TMEM47: variants seen among roughly 807,000 people sequenced by gnomAD.
TMEM47 encodes transmembrane protein 47.
In TMEM47, 3 loss-of-function variants were observed where a neutral mutation model predicts 12.4. The observed-to-expected ratio is 0.24, with a 90% CI of 0.11 to 0.63. TMEM47 has a LOEUF of 0.63. TMEM47 is among the 20% of genes least tolerant of loss of function. The probability of loss-of-function intolerance (pLI) is 0.86; values close to 1 mark genes in which losing one functional copy is unlikely to be tolerated. For synonymous variants in TMEM47, 62 were observed against 63.3 expected (o/e 0.98, Z 0.10); for missense variants, 89 against 143.8 (o/e 0.62, Z 1.95).
At position 34,627,275 on chromosome X, in the gene TMEM47, TAA is replaced by T. The variant is rs1262974201; in HGVS notation, c.*3036_*3037del. 1 of 111,919 alleles carries T rather than the reference TAA, an allele frequency of 8.9e-6. No homozygotes were observed. Among genetic ancestry groups the T allele is most frequent in the African/African-American group, 3.3e-5 (1 of 30,744 alleles). The allele number at this position is 111,919 out of a possible 1,213,427, so 9.2% of individuals were successfully genotyped here. ...TTAAGTAGTAAACATGTCATATATT[TAA>T]AAATAATAAATATAGAATAGCAGTA... On this transcript the variant is annotated 3_prime_UTR_variant, in exon 3 of 3. Transcript: ENST00000275954.
At chrX:34,654,397 G>T (rs760428532) in intron 1 of TMEM47, among the ~76,000 whole-genome samples, 1 of 111,890 alleles carries the variant, frequency 8.9e-6, no homozygotes, top group Admixed American at 9.5e-5. Context: ...GAAAGACAAA[G>T]ATGTGGATCT....
intron 1 of TMEM47, among the ~76,000 whole-genome samples, chrX:34,644,568 T>G (rs181946979): frequency 1.6e-3 from 185 of 112,338 alleles, no homozygotes; most frequent in Non-Finnish European, 2.6e-3. Context: ...TAGAAACCTT[T>G]CACTTGTCAA....
chrX:34,639,664 C>T (rs962290213), intron 1 of TMEM47, among the ~76,000 whole-genome samples: 1 of 111,498 alleles, frequency 9.0e-6, no homozygotes, highest in Non-Finnish European at 1.9e-5. Context: ...TCAAGTGTCC[C>T]CTCCATGACC....
chrX:34,643,604 AAG>A (rs1921856999), intron 1 of TMEM47, among the ~76,000 whole-genome samples: 1 of 112,150 alleles, frequency 8.9e-6, no homozygotes, highest in African/African-American at 3.2e-5. Context: ...CAGATGAGTT[AAG>A]AGTCTGTAAA....
chrX:34,655,443 C>G (rs1922087911), intron 1 of TMEM47, among the ~76,000 whole-genome samples: 1 of 111,792 alleles, frequency 8.9e-6, no homozygotes, highest in Non-Finnish European at 1.9e-5. Flanking sequence ...TGACCTCCTG[C>G]TGCCAACCAG....
chrX:34,646,847 C>T (rs760629154), intron 1 of TMEM47, among the ~76,000 whole-genome samples: 1 of 111,512 alleles, frequency 9.0e-6, no homozygotes, highest in South Asian at 3.8e-4. Flanking sequence ...CTAGTACTCC[C>T]ACCAGCTCCT....
At chrX:34,641,525 T>A (rs2147139510) in intron 1 of TMEM47, among the ~76,000 whole-genome samples, 1 of 112,294 alleles carries the variant, frequency 8.9e-6, no homozygotes, top group South Asian at 3.7e-4. Flanking sequence ...TAGATTGTTT[T>A]TTCCTGATTA....
At chrX:34,641,202 A>C (rs1921811822) in intron 1 of TMEM47, among the ~76,000 whole-genome samples, 1 of 111,584 alleles carries the variant, frequency 9.0e-6, no homozygotes, top group East Asian at 2.8e-4. Flanking sequence ...AAATCCTTCT[A>C]AAAACAGGTG....
chrX:34,655,592 G>C (rs771431369), intron 1 of TMEM47, among the ~76,000 whole-genome samples: 2 of 111,757 alleles, frequency 1.8e-5, no homozygotes, highest in Admixed American at 1.9e-4. Flanking sequence ...TGTTATAACA[G>C]GAAACCAAAG....
At chrX:34,656,545 C>G (rs1922110699) in intron 1 of TMEM47, among the ~76,000 whole-genome samples, 1 of 110,782 alleles carries the variant, frequency 9.0e-6, no homozygotes, top group East Asian at 2.9e-4. Context: ...ACGTGTTACT[C>G]CAGAACAGGA....
intron 1 of TMEM47, among the ~76,000 whole-genome samples, chrX:34,640,200 T>G (rs2147139118): frequency 9.0e-6 from 1 of 111,626 alleles, no homozygotes; most frequent in South Asian, 3.8e-4. Context: ...TTTCTAAAAT[T>G]AAGTATTCCC....
intron 2 of TMEM47, among the ~76,000 whole-genome samples, chrX:34,632,973 C>T: frequency 9.0e-6 from 1 of 110,569 alleles, no homozygotes; most frequent in Non-Finnish European, 1.9e-5. Context: ...AAAGGCACTT[C>T]TCCTTAGGTT....
intron 1 of TMEM47, among the ~76,000 whole-genome samples, chrX:34,640,876 T>C (rs778892099): frequency 7.2e-5 from 8 of 111,558 alleles, no homozygotes; most frequent in Non-Finnish European, 1.3e-4. Flanking sequence ...TGCACTGCAA[T>C]CAAGAAACAA....
intron 2 of TMEM47, among the ~76,000 whole-genome samples, chrX:34,633,284 G>T (rs978797695): frequency 8.9e-6 from 1 of 111,857 alleles, no homozygotes; most frequent in African/African-American, 3.2e-5. Context: ...TGCTCTTTTA[G>T]ATCAATCGTG....
chrX:34,649,616 C>T (rs1921978842), intron 1 of TMEM47, among the ~76,000 whole-genome samples: 1 of 110,857 alleles, frequency 9.0e-6, no homozygotes, highest in Admixed American at 9.6e-5. Flanking sequence ...GGCTTAATAC[C>T]TGTGTGATGA....
intron 1 of TMEM47, among the ~76,000 whole-genome samples, chrX:34,646,094 C>T (rs916393234): frequency 1.8e-5 from 2 of 111,242 alleles, no homozygotes; most frequent in African/African-American, 6.5e-5. Flanking sequence ...GTTAATTTTG[C>T]CAAATTTTGG....
chrX:34,652,709 A>G (rs1283675606), intron 1 of TMEM47, among the ~76,000 whole-genome samples: 6 of 112,276 alleles, frequency 5.3e-5, no homozygotes, highest in African/African-American at 9.7e-5. Context: ...ATCTTGAAAT[A>G]AGTTATACTT....
intron 1 of TMEM47, among the ~76,000 whole-genome samples, chrX:34,652,283 A>G (rs1256160431): frequency 8.9e-6 from 1 of 111,828 alleles, no homozygotes; most frequent in Non-Finnish European, 1.9e-5. Flanking sequence ...CTGCTGTGGT[A>G]TTTAGGTTAG....
rs1037779566 is a variant in TMEM47, at chrX:34,645,149, T to G, written c.227-5762A>C. ...TAAATTACATTGTTGAGAACATAGT[T>G]AAGTTAGTATTGCCAATCCCATTCT... On this transcript the variant is annotated intron_variant, in intron 1 of 2. Transcript: ENST00000275954. Among the ~76,000 whole-genome samples, 4 of 111,753 alleles carry G rather than the reference T, an allele frequency of 3.6e-5. 1 individual carries two copies. Among genetic ancestry groups the G allele is most frequent in the Non-Finnish European group, 7.5e-5 (4 of 53,085 alleles).
Sources: allele counts gnomAD v4.1 joint callset (sites outside exome capture counted in the v4.1 genomes callset), GRCh38; gene constraint gnomAD v4.1.1; transcripts MANE v1.5; gene names NCBI Gene and HGNC (gene_info 2026-07-23, HGNC 2026-07-21).